CCDC172: variants seen among roughly 807,000 people sequenced by gnomAD.
CCDC172 encodes the protein coiled-coil domain containing 172.
A neutral mutation model predicts 38.0 loss-of-function variants in CCDC172; 30 were observed. That is an observed-to-expected ratio of 0.79 (90% CI 0.59 to 1.07). The LOEUF (loss-of-function observed/expected upper bound fraction) is 1.07. Ranked by LOEUF, CCDC172 falls within the 50% of genes least tolerant of loss-of-function variation. CCDC172 has a pLI of 0.00. For synonymous variants in CCDC172, 78 were observed against 88.3 expected (o/e 0.88, Z 0.66); for missense variants, 297 against 290.1 (o/e 1.02, Z -0.17).
At chr10:116,352,429 G>A (rs1262539002) in intron 5 of CCDC172, among the ~76,000 whole-genome samples, 1 of 152,124 alleles carries the variant, frequency 6.6e-6, no homozygotes, top group Non-Finnish European at 1.5e-5. Context: ...TGATATAGAT[G>A]ATGCAATTAG....
At chr10:116,377,917 A>G (rs1349494443) in intron 7 of CCDC172, among the ~76,000 whole-genome samples, 1 of 152,172 alleles carries the variant, frequency 6.6e-6, no homozygotes, top group African/African-American at 2.4e-5. Flanking sequence ...GTGGTGGCTA[A>G]CACCTGTAAT....
intron 3 of CCDC172, among the ~76,000 whole-genome samples, chr10:116,331,690 T>C (rs1222258055): frequency 6.6e-6 from 1 of 152,172 alleles, no homozygotes; most frequent in African/African-American, 2.4e-5. Flanking sequence ...TTATTAACTT[T>C]AAGATTTATT....
chr10:116,376,621 A>C (rs1001810298), intron 7 of CCDC172, among the ~76,000 whole-genome samples: 3 of 152,176 alleles, frequency 2.0e-5, no homozygotes, highest in African/African-American at 7.2e-5. Flanking sequence ...ATTTATAATC[A>C]TCAAACTTGT....
intron 3 of CCDC172, among the ~76,000 whole-genome samples, chr10:116,328,694 G>T (rs979263687): frequency 6.6e-6 from 1 of 151,970 alleles, no homozygotes; most frequent in South Asian, 2.1e-4. Context: ...AAGGAAAATT[G>T]TATTGAAATT....
intron 5 of CCDC172, among the ~76,000 whole-genome samples, chr10:116,347,039 C>T (rs1002306525): frequency 3.3e-5 from 5 of 152,134 alleles, no homozygotes; most frequent in Non-Finnish European, 4.4e-5. Flanking sequence ...AAGAATGATA[C>T]TGATTAGCCA....
chr10:116,357,236 G>A (rs978957344), intron 5 of CCDC172, 144 bp from the exon 6 acceptor site: 7 of 543,730 alleles, frequency 1.3e-5, no homozygotes, highest in Non-Finnish European at 2.2e-5. Context: ...CCAATCCATA[G>A]ACATGGATAT....
At chr10:116,376,534 A>G (rs1252974006) in intron 7 of CCDC172, among the ~76,000 whole-genome samples, 1 of 152,222 alleles carries the variant, frequency 6.6e-6, no homozygotes, top group East Asian at 1.9e-4. Flanking sequence ...TATTTTCCAC[A>G]TTAAATACAG....
At chr10:116,369,882 T>C (rs1367496637) in intron 7 of CCDC172, among the ~76,000 whole-genome samples, 1 of 151,920 alleles carries the variant, frequency 6.6e-6, no homozygotes, top group Non-Finnish European at 1.5e-5. Flanking sequence ...TGTTGTCAAG[T>C]TTTTGAAGTT....
At chr10:116,343,534 A>T (rs867015155) in intron 5 of CCDC172, among the ~76,000 whole-genome samples, 2,989 of 134,442 alleles carry the variant, frequency 0.022, 109 homozygotes, top group African/African-American at 0.073. Flanking sequence ...TTTTTTTTTA[A>T]AAAAATATAT....
At chr10:116,325,204 A>T in intron 2 of CCDC172, 99 bp from the exon 3 acceptor site, 1 of 1,459,508 alleles carries the variant, frequency 6.9e-7, no homozygotes, top group Non-Finnish European at 9.5e-7. Context: ...CTTGCATGCC[A>T]TGCTGAGGGA....
At chr10:116,352,572 A>G (rs1844944214) in intron 5 of CCDC172, among the ~76,000 whole-genome samples, 1 of 152,178 alleles carries the variant, frequency 6.6e-6, no homozygotes, top group Non-Finnish European at 1.5e-5. Flanking sequence ...AACAACTTTC[A>G]TGATAAAACC....
At chr10:116,345,152 T>G (rs1035049787) in intron 5 of CCDC172, among the ~76,000 whole-genome samples, 4 of 152,182 alleles carry the variant, frequency 2.6e-5, no homozygotes, top group Non-Finnish European at 5.9e-5. Flanking sequence ...GCCTTAAAAA[T>G]AGGCATATAA....
At position 116,325,051 on chromosome 10, in the gene CCDC172, G is replaced by T; in HGVS notation, c.40G>T (p.Glu14Ter). The T allele has an allele frequency of 6.2e-7, 1 of 1,614,018 alleles. No individual in the cohort carries two copies. Among genetic ancestry groups the T allele is most frequent in the Non-Finnish European group, 8.5e-7 (1 of 1,180,004 alleles). Reference protein sequence around the residue: ...ESLFQHIIFTEHQAEESRRLM... With the variant: ...ESLFQHIIFT Reference sequence around the variant, plus strand: ...CCTGTTTCAGCACATCATCTTCACCGAGCATCAGGCGGAGGAGAGTCGCCG... The same window carrying T: ...CCTGTTTCAGCACATCATCTTCACCTAGCATCAGGCGGAGGAGAGTCGCCG... The change falls in exon 2 of 9, where the codon GAG becomes TAG. Residue 14 changes from glutamate (E) to a stop codon, truncating the protein, a stop_gained. Coordinates refer to ENST00000333254, the MANE Select transcript of CCDC172 (RefSeq NM_198515.3). LOFTEE classifies it high-confidence loss of function.
intron 7 of CCDC172, among the ~76,000 whole-genome samples, chr10:116,365,273 A>C (rs1845110027): frequency 6.6e-6 from 1 of 152,272 alleles, no homozygotes; most frequent in Middle Eastern, 3.4e-3. Context: ...AGTACTTCCT[A>C]TAATTTGCTC....
intron 5 of CCDC172, among the ~76,000 whole-genome samples, chr10:116,354,939 CATAAT>C (rs1372651517): frequency 7.2e-5 from 11 of 152,044 alleles, no homozygotes; most frequent in African/African-American, 9.7e-5. Flanking sequence ...AGAAGTAAAA[CATAAT>C]ATATTTTACA....
At chr10:116,358,326 A>G (rs1845024694) in intron 7 of CCDC172, among the ~76,000 whole-genome samples, 1 of 151,964 alleles carries the variant, frequency 6.6e-6, no homozygotes, top group Admixed American at 6.6e-5. Flanking sequence ...TTTACTTGAC[A>G]TTTGTTACTC....
At chr10:116,336,221 A>G (rs1299644923) in intron 3 of CCDC172, among the ~76,000 whole-genome samples, 3 of 148,374 alleles carry the variant, frequency 2.0e-5, no homozygotes, top group African/African-American at 7.3e-5. Flanking sequence ...TATATTATAC[A>G]TGTATTATAT....
chr10:116,348,613 A>T (rs983578807), intron 5 of CCDC172, among the ~76,000 whole-genome samples: 1 of 152,152 alleles, frequency 6.6e-6, no homozygotes, highest in East Asian at 1.9e-4. Flanking sequence ...ATCCATTTTT[A>T]AAAAAGATAT....
At chr10:116,353,804 G>T (rs577806562) in intron 5 of CCDC172, among the ~76,000 whole-genome samples, 1 of 152,272 alleles carries the variant, frequency 6.6e-6, no homozygotes, top group East Asian at 1.9e-4. Flanking sequence ...AGTTATCAGG[G>T]AAAGGCAAAT....
Sources: allele counts gnomAD v4.1 joint callset (sites outside exome capture counted in the v4.1 genomes callset), GRCh38; gene constraint gnomAD v4.1.1; transcripts MANE v1.5; gene names NCBI Gene and HGNC (gene_info 2026-07-23, HGNC 2026-07-21).